The following FBXO17 variants were observed in gnomAD, a reference collection of about 807,000 sequenced individuals.
FBXO17 encodes the protein F-box only protein 17.
FBXO17 carries 43 observed loss-of-function variants against 34.1 expected under a neutral mutation model. The observed-to-expected ratio is 1.26, with a 90% CI of 0.99 to 1.62. The LOEUF (loss-of-function observed/expected upper bound fraction) is 1.62, where lower values mean the gene tolerates loss of function less well. FBXO17 is among the 40% of genes most tolerant of loss of function. The pLI is 0.00. For synonymous variants in FBXO17, 169 were observed against 166.0 expected, an observed-to-expected ratio of 1.02 and a Z score of -0.14; for missense variants, 424 against 386.7, an observed-to-expected ratio of 1.10 and a Z score of -0.81.
intron 1 of FBXO17, among the ~76,000 whole-genome samples, chr19:38,959,252 C>T (rs1975212483): frequency 1.3e-5 from 2 of 148,470 alleles, no homozygotes; most frequent in Non-Finnish European, 3.0e-5. Context: ...GAGTATGCAG[C>T]CTCTGCCTGT....
At chr19:38,948,009 CTTT>C (rs766305274) in intron 3 of FBXO17, among the ~76,000 whole-genome samples, 1 of 137,790 alleles carries the variant, frequency 7.3e-6, no homozygotes, top group Non-Finnish European at 1.6e-5. Flanking sequence ...GCCATGTTCC[CTTT>C]TTTTTTTTTT....
intron 4 of FBXO17, 111 bp downstream of exon 4, chr19:38,946,361 C>T: frequency 6.6e-7 from 1 of 1,517,288 alleles, no homozygotes; most frequent in Non-Finnish European, 8.9e-7. Context: ...ACAAAGGGTG[C>T]ACAGTGACAG....
intron 2 of FBXO17, 158 bp downstream of exon 2, chr19:38,949,813 C>T: frequency 1.1e-6 from 1 of 932,926 alleles, no homozygotes; most frequent in Non-Finnish European, 1.5e-6. Flanking sequence ...CCCCGCCCAC[C>T]GGGCCTACCG....
chr19:38,970,621 C>G (rs1194559724), intron 1 of FBXO17, among the ~76,000 whole-genome samples: 2 of 152,150 alleles, frequency 1.3e-5, no homozygotes, highest in Non-Finnish European at 2.9e-5. Context: ...CAGTTTTTCC[C>G]AGACCCATTT....
chr19:38,952,011 C>CACAATGA (rs1975092570), intron 1 of FBXO17, among the ~76,000 whole-genome samples: 1 of 150,918 alleles, frequency 6.6e-6, no homozygotes, highest in Non-Finnish European at 1.5e-5. Flanking sequence ...AGTGCAGTGG[C>CACAATGA]ACAATCTTGG....
At chr19:38,950,383 C>A in intron 1 of FBXO17, 47 bp from the exon 2 acceptor site, 1 of 1,391,338 alleles carries the variant, frequency 7.2e-7, no homozygotes, top group Non-Finnish European at 9.3e-7. Flanking sequence ...AGCCAGGCCA[C>A]CCCCTCCCTA....
intron 1 of FBXO17, among the ~76,000 whole-genome samples, chr19:38,972,781 CAG>C (rs1184731657): frequency 1.3e-5 from 2 of 152,024 alleles, no homozygotes; most frequent in Non-Finnish European, 2.9e-5. Context: ...TCTTTTTGGA[CAG>C]AGTTTTGCTC....
intron 1 of FBXO17, among the ~76,000 whole-genome samples, chr19:38,964,775 A>C (rs987039941): frequency 1.3e-5 from 2 of 152,018 alleles, no homozygotes; most frequent in African/African-American, 4.8e-5. Flanking sequence ...TCAAAGAAAA[A>C]AAGAAAAGAA....
chr19:38,964,562 A>G (rs554740116), intron 1 of FBXO17, among the ~76,000 whole-genome samples: 34 of 152,184 alleles, frequency 2.2e-4, no homozygotes, highest in Non-Finnish European at 4.1e-4. Flanking sequence ...TGAGGCCAGG[A>G]GTTCCAGACC....
At chr19:38,970,118 T>A (rs1975373050) in intron 1 of FBXO17, among the ~76,000 whole-genome samples, 2 of 151,052 alleles carry the variant, frequency 1.3e-5, no homozygotes, top group Admixed American at 1.3e-4. Context: ...ATACAAATAT[T>A]GCAAATACAA....
chr19:38,963,071 C>T (rs2144836384), intron 1 of FBXO17, among the ~76,000 whole-genome samples: 1 of 152,168 alleles, frequency 6.6e-6, no homozygotes, highest in Middle Eastern at 3.4e-3. Flanking sequence ...ACTCAAATCC[C>T]CTATCATAGT....
intron 1 of FBXO17, among the ~76,000 whole-genome samples, chr19:38,963,401 C>T (rs572245241): frequency 1.3e-5 from 2 of 151,704 alleles, no homozygotes; most frequent in East Asian, 3.9e-4. Context: ...CTCAAGCAAT[C>T]CTCCCATCTC....
chr19:38,964,218 A>G (rs1451863316), intron 1 of FBXO17, among the ~76,000 whole-genome samples: 1 of 152,194 alleles, frequency 6.6e-6, no homozygotes, highest in Non-Finnish European at 1.5e-5. Context: ...AAAATTCTAT[A>G]TGCATTGCAG....
intron 1 of FBXO17, among the ~76,000 whole-genome samples, chr19:38,961,573 C>A (rs557476646): frequency 7.9e-5 from 12 of 152,056 alleles, no homozygotes; most frequent in African/African-American, 2.9e-4. Flanking sequence ...CCGCTCCCAG[C>A]CGATATGGAA....
Position 38,942,546 on chromosome 19 carries a change from G to T in FBXO17, c.*62C>A. On this transcript the variant is annotated 3_prime_UTR_variant, in exon 6 of 6. Coordinates refer to ENST00000292852, the MANE Select transcript of FBXO17 (RefSeq NM_024907.7). ...TGAAGTGCTGGGATTCCACAGGTGT[G>T]AGCCACTGCACCTGGCTGCAAGGCT... 6.8e-7 allele frequency: 1 copy of T among 1,462,768 alleles called. No homozygotes were observed. The highest frequency in any genetic ancestry group is 9.0e-7 in the Non-Finnish European group (1 of 1,108,158). The allele number at this position is 1,462,768 out of a possible 1,614,324, so 90.6% of individuals were successfully genotyped here. A position where few individuals can be genotyped will look rare whatever the true frequency, so the allele number is the denominator to read the frequency against.
intron 1 of FBXO17, among the ~76,000 whole-genome samples, chr19:38,960,546 T>C (rs1441069335): frequency 6.6e-6 from 1 of 152,062 alleles, no homozygotes; most frequent in Admixed American, 6.6e-5. Context: ...TCTCGCTCTG[T>C]CCCCCAGGCT....
chr19:38,965,788 T>G (rs1400713167), intron 1 of FBXO17, among the ~76,000 whole-genome samples: 1 of 151,954 alleles, frequency 6.6e-6, no homozygotes, highest in Non-Finnish European at 1.5e-5. Flanking sequence ...ATTACAGGCA[T>G]GAGCCACCAT....
At position 38,942,568 on chromosome 19, in the gene FBXO17, G is replaced by A. The variant is rs1974905061; in HGVS notation, c.*40C>T. 4 of 1,498,932 alleles carry A rather than the reference G, an allele frequency of 2.7e-6. No homozygotes were observed. The highest frequency in any genetic ancestry group is 3.5e-6 in the Non-Finnish European group (4 of 1,128,058). 92.9% of individuals were successfully genotyped at this position (1,498,932 alleles called of 1,614,324 possible). On this transcript the variant is annotated 3_prime_UTR_variant, in exon 6 of 6. Transcript: ENST00000292852. ...TGTGAGCCACTGCACCTGGCTGCAA[G>A]GCTGGTCTTGACTGACAACGTCAGG...
intron 1 of FBXO17, among the ~76,000 whole-genome samples, chr19:38,960,893 G>T (rs1172080791): frequency 6.7e-6 from 1 of 149,420 alleles, no homozygotes; most frequent in Admixed American, 6.7e-5. Flanking sequence ...TGCAACCTCC[G>T]CCTCCCAAGT....
Sources: allele counts gnomAD v4.1 joint callset (sites outside exome capture counted in the v4.1 genomes callset), GRCh38; gene constraint gnomAD v4.1.1; transcripts MANE v1.5; gene names NCBI Gene and HGNC (gene_info 2026-07-23, HGNC 2026-07-21).